The following VPS37A variants were observed in gnomAD, a reference collection of about 807,000 sequenced individuals.
VPS37A encodes the protein vacuolar protein sorting-associated protein 37A.
In VPS37A, 30 loss-of-function variants were observed where a neutral mutation model predicts 49.8. That is an observed-to-expected ratio of 0.60 (90% CI 0.45 to 0.82). VPS37A has a LOEUF of 0.82. Among genes scored for constraint, VPS37A ranks in the 40% least tolerant of loss-of-function variants. The pLI is 0.00. For missense variants in VPS37A, 593 were observed against 464.4 expected (o/e 1.28, Z -2.55); for synonymous variants, 195 against 160.6 (o/e 1.21, Z -1.62).
At chr8:17,318,354 C>A in the VPS37A span, among the ~76,000 whole-genome samples, 1 of 151,994 alleles carries the variant, frequency 6.6e-6, no homozygotes, top group Non-Finnish European at 1.5e-5. Flanking sequence ...GGGCTGAAGA[C>A]AAGTTTACAG....
chr8:17,313,485 A>G, the VPS37A span: 3 of 862,074 alleles, frequency 3.5e-6, no homozygotes, highest in Non-Finnish European at 5.4e-6. Flanking sequence ...TAGTTTGTTA[A>G]TGATTCCTTT....
At position 17,297,982 on chromosome 8, in the gene VPS37A, T is replaced by TACTA. The variant is rs1816835684; in HGVS notation, c.*2997_*3000dup. On this transcript the variant is annotated 3_prime_UTR_variant, in exon 12 of 12. Coordinates refer to ENST00000324849, the MANE Select transcript of VPS37A (RefSeq NM_152415.3). ...TACATTTTAAAACATCAAATATTTA[T>TACTA]ACTATTTGCTTTTCAAATAAAAGCA... 1 of 152,264 alleles carries TACTA rather than the reference T, an allele frequency of 6.6e-6. No homozygotes were observed. The highest frequency in any genetic ancestry group is 2.1e-4 in the South Asian group (1 of 4,832). The allele number at this position is 152,264 out of a possible 1,614,324, so 9.4% of individuals were successfully genotyped here.
intron 9 of VPS37A, among the ~76,000 whole-genome samples, chr8:17,281,494 G>C (rs1471045154): frequency 6.6e-6 from 1 of 151,864 alleles, no homozygotes; most frequent in East Asian, 1.9e-4. Context: ...ACTAAAAATA[G>C]AAATTTCTTA....
chr8:17,270,271 C>G (rs1211352161), intron 4 of VPS37A, among the ~76,000 whole-genome samples: 1 of 152,126 alleles, frequency 6.6e-6, no homozygotes, highest in Admixed American at 6.5e-5. Flanking sequence ...ACCCTAAAAA[C>G]TTTTGGTTGA....
chr8:17,253,843 T>C (rs190952578), intron 1 of VPS37A, among the ~76,000 whole-genome samples: 17 of 152,320 alleles, frequency 1.1e-4, no homozygotes, highest in Admixed American at 1.1e-3. Context: ...TCAAAATCTT[T>C]AATGTGCTAA....
At chr8:17,293,549 G>C (rs1004521801) in intron 11 of VPS37A, among the ~76,000 whole-genome samples, 8 of 152,026 alleles carry the variant, frequency 5.3e-5, no homozygotes, top group African/African-American at 1.9e-4. Flanking sequence ...CTGGTTTTTT[G>C]AATTTTCAGC....
intron 1 of VPS37A, among the ~76,000 whole-genome samples, chr8:17,250,204 G>T (rs980422708): frequency 6.6e-6 from 1 of 152,172 alleles, no homozygotes; most frequent in Non-Finnish European, 1.5e-5. Context: ...GAGGTGGTCA[G>T]AGAGAGCTTT....
At chr8:17,313,595 A>G in the VPS37A span, among the ~76,000 whole-genome samples, 4 of 152,298 alleles carry the variant, frequency 2.6e-5, no homozygotes, top group East Asian at 1.9e-4. Flanking sequence ...AGGCTTTTCT[A>G]CCTTCTCTGG....
At chr8:17,301,973 A>C, downstream of VPS37A, 2 of 695,944 alleles carry the variant, frequency 2.9e-6, no homozygotes, top group Non-Finnish European at 2.3e-6. Flanking sequence ...AAATGCATTA[A>C]ATGCCTAGGT....
At chr8:17,271,472 G>C (rs1242684832) in intron 4 of VPS37A, among the ~76,000 whole-genome samples, 1 of 152,138 alleles carries the variant, frequency 6.6e-6, no homozygotes, top group East Asian at 1.9e-4. Flanking sequence ...TGGGCATGGT[G>C]GTGGGCACCT....
intron 1 of VPS37A, among the ~76,000 whole-genome samples, chr8:17,263,594 A>T (rs1329402906): frequency 6.6e-6 from 1 of 152,216 alleles, no homozygotes; most frequent in Non-Finnish European, 1.5e-5. Flanking sequence ...CTAACCAATT[A>T]TTTAGATAAA....
At chr8:17,252,114 G>A (rs753798031) in intron 1 of VPS37A, among the ~76,000 whole-genome samples, 4 of 152,196 alleles carry the variant, frequency 2.6e-5, no homozygotes, top group Non-Finnish European at 2.9e-5. Flanking sequence ...TTTATGAAAA[G>A]CATTTATTAT....
intron 1 of VPS37A, chr8:17,247,910 C>T (rs975949475): frequency 3.0e-5 from 19 of 626,006 alleles, no homozygotes; most frequent in African/African-American, 1.6e-4. Context: ...CCTGTTGGAG[C>T]AGTCTCTCCC....
chr8:17,303,808 C>T (rs1817280636), downstream of VPS37A, among the ~76,000 whole-genome samples: 1 of 152,114 alleles, frequency 6.6e-6, no homozygotes, highest in African/African-American at 2.4e-5. Context: ...CTGGGTCTCC[C>T]CATGTTGGCC....
At chr8:17,269,227 G>A (rs1813757310) in intron 4 of VPS37A, among the ~76,000 whole-genome samples, 1 of 152,062 alleles carries the variant, frequency 6.6e-6, no homozygotes, top group Admixed American at 6.6e-5. Flanking sequence ...AATAGATGAA[G>A]ATTTCAGCTG....
At chr8:17,284,853 C>T (rs1192154106) in intron 10 of VPS37A, among the ~76,000 whole-genome samples, 1 of 152,090 alleles carries the variant, frequency 6.6e-6, no homozygotes, top group African/African-American at 2.4e-5. Flanking sequence ...AGCCACACAC[C>T]TTAGCTATTC....
In VPS37A at chr8:17,297,991, C is replaced by G. The variant is rs560054580; in HGVS notation, c.*3005C>G. 3 of 151,960 alleles carry G rather than the reference C, an allele frequency of 2.0e-5. No individual in the cohort carries two copies. The highest frequency in any genetic ancestry group is 4.4e-5 in the Non-Finnish European group (3 of 67,880). The allele number at this position is 151,960 out of a possible 1,614,324, so 9.4% of individuals were successfully genotyped here. On this transcript the variant is annotated 3_prime_UTR_variant, in exon 12 of 12. Coordinates refer to ENST00000324849, the MANE Select transcript of VPS37A (RefSeq NM_152415.3). ...AAACATCAAATATTTATACTATTTG[C>G]TTTTCAAATAAAAGCATAGTGCTGT...
At chr8:17,305,791 G>A (rs1817410808), downstream of VPS37A, 4 of 1,613,388 alleles carry the variant, frequency 2.5e-6, no homozygotes, top group African/African-American at 5.3e-5. Flanking sequence ...CTGTTACATA[G>A]GAAGTTTCCA....
At chr8:17,278,197 C>T (rs1017024067) in intron 6 of VPS37A, among the ~76,000 whole-genome samples, 4 of 152,028 alleles carry the variant, frequency 2.6e-5, no homozygotes, top group African/African-American at 9.7e-5. Context: ...CTTCTTTTTA[C>T]ATCCTATGAG....
Sources: allele counts gnomAD v4.1 joint callset (sites outside exome capture counted in the v4.1 genomes callset), GRCh38; gene constraint gnomAD v4.1.1; transcripts MANE v1.5; gene names NCBI Gene and HGNC (gene_info 2026-07-23, HGNC 2026-07-21).